ACTB: variants seen among roughly 807,000 people sequenced by gnomAD.
ACTB encodes actin beta.
Under a neutral mutation model 30.5 loss-of-function variants are expected in ACTB, and 2 were observed. The observed-to-expected ratio is 0.07, with a 90% CI of 0.03 to 0.21. The LOEUF is 0.21. Ranked by LOEUF, ACTB falls within the 10% of genes least tolerant of loss-of-function variation. ACTB has a pLI of 1.00. For missense variants in ACTB, 56 were observed against 530.0 expected (o/e 0.11, Z 8.78); for synonymous variants, 335 against 217.6 (o/e 1.54, Z -4.75).
At position 5,529,414 on chromosome 7, in the gene ACTB, G is replaced by A. The variant is rs565900219; in HGVS notation, c.124-14C>T. ...CACCATCACGCCCTGGGAAGGAAAG[G>A]ACAAGAAGCCCTGAGCACGGGCGCA... On this transcript the variant is annotated splice_polypyrimidine_tract_variant and intron_variant, in intron 2 of 5. Coordinates refer to ENST00000646664, the MANE Select transcript of ACTB (RefSeq NM_001101.5). 1.5e-5 allele frequency: 24 copies of A among 1,613,784 alleles called. No homozygotes were observed. The East Asian group carries it at 2.2e-4, about 15-fold the overall frequency.
intron 1 of ACTB, 104 bp from the exon 2 acceptor site, chr7:5,529,767 G>GATTGGGGACAAAGGA: frequency 6.4e-7 from 1 of 1,561,248 alleles, no homozygotes; most frequent in Non-Finnish European, 8.7e-7. Context: ...CGCGCGCCCA[G>GATTGGGGACAAAGGA]ATTGGGGACA....
Position 5,527,623 on chromosome 7 carries a change from CAA to C in ACTB, c.*123_*124del, listed in dbSNP as rs370106412. ...CCAGTTTTTAAATCCTGAGTCAAGCCAAAAAAAAAAAAAAAACCAAAACAAAA... is the reference window on the plus strand; with the variant it reads ...CCAGTTTTTAAATCCTGAGTCAAGCCAAAAAAAAAAAAAACCAAAACAAAA... On this transcript the variant is annotated 3_prime_UTR_variant, in exon 6 of 6. Transcript: ENST00000646664. 7.1e-3 allele frequency: 8,265 copies of C among 1,157,412 alleles called. No homozygotes were observed. Among genetic ancestry groups the C allele is most frequent in the Admixed American group, 8.8e-3 (309 of 35,148 alleles). 71.7% of individuals were successfully genotyped at this position (1,157,412 alleles called of 1,614,324 possible).
At chr7:5,530,205 G>C (rs1405542578) in intron 1 of ACTB, among the ~76,000 whole-genome samples, 1 of 151,918 alleles carries the variant, frequency 6.6e-6, no homozygotes. Flanking sequence ...CGGGCCTGGC[G>C]GGGGCTCCGC....
chr7:5,529,497 C>G, intron 2 of ACTB, 38 bp downstream of exon 2: 6 of 1,612,258 alleles, frequency 3.7e-6, no homozygotes, highest in Non-Finnish European at 5.1e-6. Flanking sequence ...TGCCTCCCGC[C>G]CGCTCCCGGG....
chr7:5,529,874 C>G, intron 1 of ACTB: 1 of 802,420 alleles, frequency 1.2e-6, no homozygotes, highest in Non-Finnish European at 2.0e-6. Context: ...CCAACCCCCT[C>G]CCAACCGGGC....
intron 1 of ACTB, 27 bp from the exon 2 acceptor site, chr7:5,529,690 A>T: frequency 6.2e-7 from 1 of 1,610,822 alleles, no homozygotes; most frequent in Non-Finnish European, 8.5e-7. Flanking sequence ...GCGCGCTGTG[A>T]GCCGAGGTCG....
At chr7:5,529,945 C>T in intron 1 of ACTB, 1 of 322,854 alleles carries the variant, frequency 3.1e-6, no homozygotes. Flanking sequence ...ACGCAGCGGC[C>T]ACACCCTCGG....
chr7:5,529,441 C>T (rs199989641), intron 2 of ACTB, 41 bp from the exon 3 acceptor site: 1 of 1,613,592 alleles, frequency 6.2e-7, no homozygotes, highest in Non-Finnish European at 8.5e-7. Context: ...ACGGGCGCAG[C>T]CCCCACCCCG....
chr7:5,529,020 T>C (rs1247296412), intron 3 of ACTB, 141 bp downstream of exon 3: 1 of 1,610,906 alleles, frequency 6.2e-7, no homozygotes, highest in Non-Finnish European at 8.5e-7. Context: ...AAATAGAACC[T>C]GCAGAGTTCC....
At chr7:5,529,076 AAGAG>A (rs779636227) in intron 3 of ACTB, 81 bp downstream of exon 3, 3 of 1,613,362 alleles carry the variant, frequency 1.9e-6, no homozygotes, top group Non-Finnish European at 2.5e-6. Context: ...AAAACGGCAG[AAGAG>A]AGAACCAGTG....
intron 1 of ACTB, 41 bp from the exon 2 acceptor site, chr7:5,529,704 C>A: frequency 1.2e-6 from 2 of 1,609,630 alleles, no homozygotes; most frequent in South Asian, 2.2e-5. Context: ...GAGGTCGCCC[C>A]CGCCCTGGCC....
At position 5,528,600 on chromosome 7, in the gene ACTB, G is replaced by A; in HGVS notation, c.483C>T (p.His161=). 1 of 1,614,026 alleles carries A rather than the reference G, an allele frequency of 6.2e-7. No homozygotes were observed. Among genetic ancestry groups the A allele is most frequent in the South Asian group, 1.1e-5 (1 of 91,092 alleles). Residue 161 remains histidine, a synonymous_variant, in exon 4 of 6, where the codon CAC becomes CAT. Coordinates refer to ENST00000646664, the MANE Select transcript of ACTB (RefSeq NM_001101.5). ...CATACCCCTCGTAGATGGGCACAGT[G>A]TGGGTGACCCCGTCACCGGAGTCCA... ...IVMDSGDGVT[H]TVPIYEGYAL... is the part of the protein sequence containing the mutation.
At position 5,528,193 on chromosome 7, in the gene ACTB, G is replaced by A. The variant is rs375065288; in HGVS notation, c.803-8C>T. On this transcript the variant is annotated splice_region_variant and splice_polypyrimidine_tract_variant and intron_variant, in intron 4 of 5. Transcript: ENST00000646664. ...TGCCACAGGACTCCATGCCTGAGAG[G>A]GAAATGAGGGCAGGACTTAGCTTCC... 8.7e-6 allele frequency: 14 copies of A among 1,613,784 alleles called. No homozygotes were observed. Among genetic ancestry groups the A allele is most frequent in the Non-Finnish European group, 1.0e-5 (12 of 1,179,750 alleles).
rs781543876 is a variant in ACTB, at chr7:5,528,557, G to A, written c.526C>T (p.Leu176=). 1.1e-4 allele frequency: 172 copies of A among 1,613,938 alleles called. No individual in the cohort carries two copies. The highest frequency in any genetic ancestry group is 1.4e-4 in the Non-Finnish European group (168 of 1,180,056). Residue 176 remains leucine (L), a synonymous_variant, in exon 4 of 6, where the codon CTG becomes TTG. Transcript: ENST00000646664. The stretch of plus-strand genomic sequence containing the variant: ...TCCCGGCCAGCCAGGTCCAGACGCA[G>A]GATGGCATGGGGGAGGGCATACCCC... The part of the protein sequence containing the change: ...YEGYALPHAI[L]RLDLAGRDLT...
rs769620514 is a variant in ACTB, at chr7:5,527,745, C to A, written c.*3G>T. 6.2e-7 allele frequency: 1 copy of A among 1,613,408 alleles called. No homozygotes were observed. Among genetic ancestry groups the A allele is most frequent in the African/African-American group, 1.3e-5 (1 of 74,868 alleles). On this transcript the variant is annotated 3_prime_UTR_variant, in exon 6 of 6. Coordinates refer to ENST00000646664, the MANE Select transcript of ACTB (RefSeq NM_001101.5). ...GGTGTAACGCAACTAAGTCATAGTC[C>A]GCCTAGAAGCATTTGCGGTGGACGA...
chr7:5,528,974 AC>A (rs1425000269), intron 3 of ACTB, 186 bp downstream of exon 3: 1 of 1,570,604 alleles, frequency 6.4e-7, no homozygotes, highest in African/African-American at 1.4e-5. Context: ...AGTCAGAGAG[AC>A]AAACACCAGA....
Position 5,528,330 on chromosome 7 carries a change from G to A in ACTB, c.753C>T (p.Gly251=). 2 of 1,614,196 alleles carry A rather than the reference G, an allele frequency of 1.2e-6. No individual in the cohort carries two copies. Among genetic ancestry groups the A allele is most frequent in the South Asian group, 2.2e-5 (2 of 91,090 alleles). The change falls in exon 4 of 6, where the codon GGC becomes GGT. Residue 251 remains glycine, a synonymous_variant. Transcript: ENST00000646664. ...ELPDGQVITI[G]NERFRCPEAL... ...CCTCAGGGCAGCGGAACCGCTCATT[G>A]CCAATGGTGATGACCTGGCCGTCAG...
chr7:5,528,943 A>G lies in ACTB; in HGVS notation c.363+218T>C, dbSNP rs1167182365. On this transcript the variant is annotated intron_variant, in intron 3 of 5. Transcript: ENST00000646664. ...CGAGCCAGTGTTAGTACCTACACCC[A>G]CAACACTGTCTTAGACACCTAGTCA... 4 of 1,525,892 alleles carry G rather than the reference A, an allele frequency of 2.6e-6. No homozygotes were observed. The African/African-American group carries it at 4.1e-5, about 16-fold the overall frequency. 94.5% of individuals were successfully genotyped at this position (1,525,892 alleles called of 1,614,324 possible).
rs886726090 is a variant in ACTB, at chr7:5,528,271, C to T, written c.802+10G>A. On this transcript the variant is annotated intron_variant, in intron 4 of 5. Coordinates refer to ENST00000646664, the MANE Select transcript of ACTB (RefSeq NM_001101.5). ...ATGTCAGGCAGAGCCGGGAGACAGT[C>T]TCCACTCACCCAGGAAGGAAGGCTG... is the stretch of plus-strand genomic sequence containing the variant. The T allele has an allele frequency of 3.7e-6, 6 of 1,613,092 alleles. No homozygotes were observed. The Admixed American group carries it at 5.0e-5, about 13-fold the overall frequency.
Sources: allele counts gnomAD v4.1 joint callset (sites outside exome capture counted in the v4.1 genomes callset), GRCh38; gene constraint gnomAD v4.1.1; transcripts MANE v1.5; gene names NCBI Gene and HGNC (gene_info 2026-07-23, HGNC 2026-07-21).